PDK1: variants seen among roughly 807,000 people sequenced by gnomAD.
PDK1 encodes pyruvate dehydrogenase kinase 1, also known as [Pyruvate dehydrogenase (acetyl-transferring)] kinase isozyme 1, mitochondrial.
PDK1 carries 39 observed loss-of-function variants against 54.2 expected under a neutral mutation model. The ratio of observed to expected loss-of-function variants is 0.72; its 90% confidence interval spans 0.56 to 0.94. The LOEUF (loss-of-function observed/expected upper bound fraction) is 0.94. Among genes scored for constraint, PDK1 ranks in the 40% least tolerant of loss-of-function variants. PDK1 has a pLI of 0.00. For synonymous variants in PDK1, 221 were observed against 207.1 expected (o/e 1.07, Z -0.58); for missense variants, 552 against 566.0 (o/e 0.98, Z 0.25).
chr2:172,694,714 A>G, the PDK1 span, among the ~76,000 whole-genome samples: 4 of 152,356 alleles, frequency 2.6e-5, no homozygotes, highest in African/African-American at 7.2e-5. Flanking sequence ...CTGAACTGGA[A>G]TGATTGGGTA....
At chr2:172,645,456 A>G in the PDK1 span, among the ~76,000 whole-genome samples, 2 of 151,750 alleles carry the variant, frequency 1.3e-5, no homozygotes, top group Non-Finnish European at 2.9e-5. Flanking sequence ...ACAGGGTTTC[A>G]CCATTTTGGC....
chr2:172,588,697 G>A, intron 9 of PDK1, among the ~76,000 whole-genome samples: 1 of 152,158 alleles, frequency 6.6e-6, no homozygotes, highest in Non-Finnish European at 1.5e-5. Context: ...CAGTAGGGTA[G>A]CTGGAGAAAG....
the PDK1 span, among the ~76,000 whole-genome samples, chr2:172,658,604 G>A: frequency 1.3e-5 from 2 of 152,260 alleles, no homozygotes; most frequent in African/African-American, 2.4e-5. Context: ...GCCTATAAAC[G>A]GACATGCAAG....
the PDK1 span, among the ~76,000 whole-genome samples, chr2:172,716,926 G>C: frequency 6.6e-6 from 1 of 152,168 alleles, no homozygotes; most frequent in Non-Finnish European, 1.5e-5. Context: ...TCAGTTCTGT[G>C]AAGTAATCCC....
Position 172,590,679 on chromosome 2 carries a change from G to A in PDK1, c.1057-2256G>A, listed in dbSNP as rs369844219. ...TGAAGAGTGAAAGAACAAAGTTTCC[G>A]CAGTGTGGAAGGGGACCCGAGCGGG... is the stretch of plus-strand genomic sequence containing the variant. On this transcript the variant is annotated intron_variant, in intron 9 of 10. Transcript: ENST00000282077. Among the ~76,000 whole-genome samples, 17 of 152,240 alleles carry A rather than the reference G, an allele frequency of 1.1e-4. No homozygotes were observed. The South Asian group carries it at 1.2e-3, about 11-fold the overall frequency.
the PDK1 span, among the ~76,000 whole-genome samples, chr2:172,721,205 T>G: frequency 2.6e-5 from 4 of 152,248 alleles, no homozygotes; most frequent in Non-Finnish European, 5.9e-5. Context: ...CTAGTTGCCC[T>G]ATGGCCTTAA....
chr2:172,656,617 T>C, the PDK1 span, among the ~76,000 whole-genome samples: 229 of 152,206 alleles, frequency 1.5e-3, 6 homozygotes, highest in Admixed American at 0.015. Flanking sequence ...GCAAAATAGT[T>C]CCCCCATGCG....
chr2:172,628,338 G>A, the PDK1 span, among the ~76,000 whole-genome samples: 7 of 152,158 alleles, frequency 4.6e-5, no homozygotes, highest in Non-Finnish European at 8.8e-5. Context: ...CTGGTCTCAC[G>A]GTGCCGGGCT....
At chr2:172,702,304 C>T in the PDK1 span, among the ~76,000 whole-genome samples, 1 of 152,136 alleles carries the variant, frequency 6.6e-6, no homozygotes, top group Non-Finnish European at 1.5e-5. Flanking sequence ...TGGTGAAACC[C>T]TGTCTCTACA....
At chr2:172,587,569 C>G (rs1690316144) in intron 9 of PDK1, among the ~76,000 whole-genome samples, 1 of 152,032 alleles carries the variant, frequency 6.6e-6, no homozygotes, top group Non-Finnish European at 1.5e-5. Context: ...AGTGTGGACC[C>G]AAAGAGTGAG....
the PDK1 span, among the ~76,000 whole-genome samples, chr2:172,651,836 A>C: frequency 6.6e-6 from 1 of 152,196 alleles, no homozygotes; most frequent in African/African-American, 2.4e-5. Context: ...ATAGCCTACC[A>C]ACCAAAAAAA....
the PDK1 span, among the ~76,000 whole-genome samples, chr2:172,643,913 C>T: frequency 0.049 from 7,393 of 152,276 alleles, 391 homozygotes; most frequent in African/African-American, 0.13. Flanking sequence ...TGTGGGCCTC[C>T]GTTAGCATTC....
In PDK1 at chr2:172,600,234, A is replaced by G. The variant is rs1691066576; in HGVS notation, c.*4265A>G. ...ATGGAATTCAGAATGTGACAGTTAT[A>G]GTACTACATGAAAATACTTAATATA... On this transcript the variant is annotated 3_prime_UTR_variant, in exon 11 of 11. Transcript: ENST00000282077. The G allele has an allele frequency of 6.6e-6, 1 of 152,210 alleles. No individual in the cohort carries two copies. Among genetic ancestry groups the G allele is most frequent in the Non-Finnish European group, 1.5e-5 (1 of 68,052 alleles). 9.4% of individuals were successfully genotyped at this position (152,210 alleles called of 1,614,324 possible).
At chr2:172,622,559 A>G in the PDK1 span, among the ~76,000 whole-genome samples, 1 of 141,662 alleles carries the variant, frequency 7.1e-6, no homozygotes, top group Non-Finnish European at 1.5e-5. Context: ...ATCATGTGAG[A>G]TATGTTTATA....
the PDK1 span, among the ~76,000 whole-genome samples, chr2:172,694,701 G>A: frequency 6.6e-6 from 1 of 152,162 alleles, no homozygotes; most frequent in South Asian, 2.1e-4. Flanking sequence ...GCCACCCTTG[G>A]TCCTGAACTG....
the PDK1 span, among the ~76,000 whole-genome samples, chr2:172,666,401 G>C: frequency 5.3e-5 from 8 of 152,198 alleles, no homozygotes; most frequent in Non-Finnish European, 1.2e-4. Flanking sequence ...TTCTCAGCAA[G>C]GCAATTTTAC....
the PDK1 span, among the ~76,000 whole-genome samples, chr2:172,707,183 C>T: frequency 6.6e-6 from 1 of 152,140 alleles, no homozygotes; most frequent in South Asian, 2.1e-4. Flanking sequence ...ATGTGGTCTC[C>T]ACTGCTACCA....
chr2:172,715,740 C>T, the PDK1 span, among the ~76,000 whole-genome samples: 2 of 152,122 alleles, frequency 1.3e-5, no homozygotes, highest in Non-Finnish European at 2.9e-5. Context: ...AAAATTGTTA[C>T]ATGTGAACTG....
downstream of PDK1, among the ~76,000 whole-genome samples, chr2:172,611,737 C>T (rs1691468331): frequency 6.6e-6 from 1 of 152,142 alleles, no homozygotes; most frequent in African/African-American, 2.4e-5. Flanking sequence ...AAGGATGGTT[C>T]AAGATTCAAA....
Sources: gnomAD v4.1 joint callset for allele counts (sites outside exome capture counted in the v4.1 genomes callset) on GRCh38, gnomAD v4.1.1 for gene constraint, MANE v1.5 for transcripts, NCBI Gene and HGNC (gene_info 2026-07-23, HGNC 2026-07-21) for gene names.